Variants in CARS1 observed in about 807,000 individuals in gnomAD.
CARS1 encodes the protein cysteinyl-tRNA synthetase 1.
In CARS1, 48 loss-of-function variants were observed where a neutral mutation model predicts 106.2. The observed-to-expected ratio is 0.45, with a 90% CI of 0.36 to 0.57. The LOEUF (loss-of-function observed/expected upper bound fraction) is 0.57. Among genes scored for constraint, CARS1 ranks in the 20% least tolerant of loss-of-function variants. The pLI is 0.00. For synonymous variants in CARS1, 409 were observed against 403.4 expected (o/e 1.01, Z -0.17); for missense variants, 968 against 1,057.2 (o/e 0.92, Z 1.17).
At position 3,048,261 on chromosome 11, in the gene CARS1, A is replaced by G. The variant is rs1590555007; in HGVS notation, c.26-260T>C. 16 of 435,356 alleles carry G rather than the reference A, an allele frequency of 3.7e-5. No individual in the cohort carries two copies. In the South Asian group the frequency reaches 6.9e-4, roughly 19 times the overall value. 27.0% of individuals were successfully genotyped at this position (435,356 alleles called of 1,614,324 possible). On this transcript the variant is annotated intron_variant, in intron 1 of 22. Coordinates refer to ENST00000380525, the MANE Select transcript of CARS1 (RefSeq NM_001014437.3). This position sits in a 1 kb window ranked among gnomAD's most constrained non-coding sequence, Gnocchi z 5.1. ...GGAACTAGACAGAAATGAAGGCTGC[A>G]TGACAACATCATGCGCCAAATACCA... is the stretch of plus-strand genomic sequence containing the variant.
In CARS1 at chr11:3,019,018, C is replaced by T; in HGVS notation, c.1395+121G>A. 5 of 1,215,258 alleles carry T rather than the reference C, an allele frequency of 4.1e-6. No individual in the cohort carries two copies. The highest frequency in any genetic ancestry group is 1.6e-5 in the South Asian group (1 of 63,802). 75.3% of individuals were successfully genotyped at this position (1,215,258 alleles called of 1,614,324 possible). On this transcript the variant is annotated intron_variant, in intron 12 of 22. Transcript: ENST00000380525. This position sits in a 1 kb window ranked among gnomAD's most constrained non-coding sequence, Gnocchi z 6.2. ...CAGGGTTCAGATTCCACCCACAAGC[C>T]CCGATGAAGGTGTCAAGTTCTAGTG...
chr11:3,014,502 C>T (rs961675308), intron 17 of CARS1, among the ~76,000 whole-genome samples: 3 of 152,244 alleles, frequency 2.0e-5, no homozygotes, highest in African/African-American at 7.2e-5. Flanking sequence ...GCTGAAGGCA[C>T]CCCCACAACC....
rs1358038530 is a variant in CARS1 at position 3,018,672 on chromosome 11, T to C, written c.1473A>G (p.Ser491=). The C allele has an allele frequency of 3.7e-6, 6 of 1,614,126 alleles. No individual in the cohort carries two copies. Among genetic ancestry groups the C allele is most frequent in the Non-Finnish European group, 5.1e-6 (6 of 1,180,058 alleles). ...GHLTIAGCKM[S]KSLKNFITIK... ...TGGTGATGAAGTTTTTTAGTGACTT[T>C]GACATTTTGCAGCCTGCAATGGTCA... Residue 491 remains serine, a synonymous_variant, in exon 13 of 23, where the codon TCA becomes TCG. Transcript: ENST00000380525.
At chr11:3,026,488 C>T (rs1028301820) in intron 10 of CARS1, among the ~76,000 whole-genome samples, 188 bp downstream of exon 10, 1 of 152,276 alleles carries the variant, frequency 6.6e-6, no homozygotes, top group Non-Finnish European at 1.5e-5. Context: ...TAAAAAAACA[C>T]ATGTCATGGT....
rs570928594 is a variant in CARS1, at chr11:3,004,089, C to T, written c.2217+1277G>A. On this transcript the variant is annotated intron_variant, in intron 20 of 22. Coordinates refer to ENST00000380525, the MANE Select transcript of CARS1 (RefSeq NM_001014437.3). The surrounding 1 kb of genome is among the most constrained non-coding windows in gnomAD (Gnocchi z 5.2). ...CAGCCAGCACCAGGCCACCTCACAG[C>T]ACAGCACGGCAGGCGAGACCCAAGG... Among the ~76,000 whole-genome samples, 14 of 152,298 alleles carry T rather than the reference C, an allele frequency of 9.2e-5. No individual in the cohort carries two copies. In the South Asian group the frequency reaches 2.5e-3, roughly 27 times the overall value.
Position 3,040,842 on chromosome 11 carries a change from C to G in CARS1, c.455+54G>C. On this transcript the variant is annotated intron_variant, in intron 4 of 22. Coordinates refer to ENST00000380525, the MANE Select transcript of CARS1 (RefSeq NM_001014437.3). This position sits in a 1 kb window ranked among gnomAD's most constrained non-coding sequence, Gnocchi z 5.8. ...ATCGCTGCTGTGGATCCCAATGGCT[C>G]TGACTTCTGCGTGCAACTGCAGAAG... The G allele has an allele frequency of 6.3e-7, 1 of 1,592,868 alleles. No individual in the cohort carries two copies. Among genetic ancestry groups the G allele is most frequent in the Non-Finnish European group, 8.6e-7 (1 of 1,167,228 alleles).
At position 3,045,426 on chromosome 11, in the gene CARS1, G is replaced by A. The variant is rs560580578; in HGVS notation, c.274+2327C>T. Among the ~76,000 whole-genome samples, 9 of 152,088 alleles carry A rather than the reference G, an allele frequency of 5.9e-5. No homozygotes were observed. Among genetic ancestry groups the A allele is most frequent in the South Asian group, 2.1e-4 (1 of 4,826 alleles). ...ACTATAGGCACCCGCCATCACGCCC[G>A]GCTAATTTTTTGTATTTTTAGTAGA... On this transcript the variant is annotated intron_variant, in intron 2 of 22. Transcript: ENST00000380525. This position sits in a 1 kb window ranked among gnomAD's most constrained non-coding sequence, Gnocchi z 5.6.
Position 3,001,247 on chromosome 11 carries a change from C to T in CARS1, c.2363G>A (p.Gly788Asp). 6.2e-7 allele frequency: 1 copy of T among 1,613,382 alleles called. No homozygotes were observed. Among genetic ancestry groups the T allele is most frequent in the Non-Finnish European group, 8.5e-7 (1 of 1,180,016 alleles). Residue 788 changes from glycine (G) to aspartate (D), a missense_variant and splice_region_variant, in exon 23 of 23, where the codon GGT becomes GAT. Transcript: ENST00000380525. ...TDKYSKFDEN[G>D]LPTHDMEGKE... ...GCCCTCCATGTCATGTGTGGGCAGA[C>T]CCTGAAAACCCAGAGCACAGCGGCT...
Position 3,040,164 on chromosome 11 carries a change from C to T in CARS1, c.456-233G>A, listed in dbSNP as rs1295911841. 2 of 458,302 alleles carry T rather than the reference C, an allele frequency of 4.4e-6. No individual in the cohort carries two copies. Among genetic ancestry groups the T allele is most frequent in the East Asian group, 7.4e-5 (2 of 27,028 alleles). 28.4% of individuals were successfully genotyped at this position (458,302 alleles called of 1,614,324 possible). A position where few individuals can be genotyped will look rare whatever the true frequency, so the allele number is the denominator to read the frequency against. On this transcript the variant is annotated intron_variant, in intron 4 of 22. Coordinates refer to ENST00000380525, the MANE Select transcript of CARS1 (RefSeq NM_001014437.3). This position sits in a 1 kb window ranked among gnomAD's most constrained non-coding sequence, Gnocchi z 5.8. ...TGAATAGTAAATATATTGCCTCTCC[C>T]TTATGATTTTCTTCATAATATTTTC...
At position 3,004,216 on chromosome 11, in the gene CARS1, G is replaced by A. The variant is rs1422709088; in HGVS notation, c.2217+1150C>T. Among the ~76,000 whole-genome samples the A allele has an allele frequency of 6.6e-6, 1 of 152,192 alleles. No individual in the cohort carries two copies. Among genetic ancestry groups the A allele is most frequent in the Non-Finnish European group, 1.5e-5 (1 of 68,014 alleles). On this transcript the variant is annotated intron_variant, in intron 20 of 22. Coordinates refer to ENST00000380525, the MANE Select transcript of CARS1 (RefSeq NM_001014437.3). The surrounding 1 kb of genome is among the most constrained non-coding windows in gnomAD (Gnocchi z 5.2). Reference sequence around the variant, plus strand: ...CAGCTCTTCCCAACCTGCCAACCAGGATGGACCTGCAGACCACTCACCACT... The same window carrying A: ...CAGCTCTTCCCAACCTGCCAACCAGAATGGACCTGCAGACCACTCACCACT...
intron 7 of CARS1, among the ~76,000 whole-genome samples, chr11:3,032,000 C>CCTTCCTTCCT (rs1565074403): frequency 1.5e-5 from 1 of 65,428 alleles, no homozygotes; most frequent in Non-Finnish European, 2.7e-5. Context: ...CCTTCCTTCC[C>CCTTCCTTCCT]TCCCTCCCTC....
chr11:3,042,430 C>T, intron 2 of CARS1, 174 bp from the exon 3 acceptor site: 2 of 508,474 alleles, frequency 3.9e-6, no homozygotes, highest in East Asian at 3.4e-5. Context: ...ACAACTGCGT[C>T]TTTTTTTTTT....
Position 3,038,236 on chromosome 11 carries a change from T to C in CARS1, c.652-37A>G. ...AAGAGACGTCAAATCTATTAGATAC[T>C]GCTCAGCAAAACCTAAATTCATAAA... On this transcript the variant is annotated intron_variant, in intron 6 of 22. Coordinates refer to ENST00000380525, the MANE Select transcript of CARS1 (RefSeq NM_001014437.3). This position sits in a 1 kb window ranked among gnomAD's most constrained non-coding sequence, Gnocchi z 4.0. 1.3e-6 allele frequency: 2 copies of C among 1,588,616 alleles called. No homozygotes were observed. The highest frequency in any genetic ancestry group is 1.7e-6 in the Non-Finnish European group (2 of 1,158,954).
Position 3,017,161 on chromosome 11 carries a change from C to G in CARS1, c.1862G>C (p.Arg621Thr). 6.2e-7 allele frequency: 1 copy of G among 1,614,192 alleles called. No homozygotes were observed. The highest frequency in any genetic ancestry group is 8.5e-7 in the Non-Finnish European group (1 of 1,180,020). ...YMAARKAVRKRPNQALLENIA... is the reference protein window; with the variant it reads ...YMAARKAVRKTPNQALLENIA... ...GTTCTCCAGCAGAGCCTGGTTGGGCCTCTTCCTCACGGCTTTCCGGGCTGC... is the reference window on the plus strand; with the variant it reads ...GTTCTCCAGCAGAGCCTGGTTGGGCGTCTTCCTCACGGCTTTCCGGGCTGC... Residue 621 changes from arginine to threonine, a missense_variant, in exon 16 of 23, where the codon AGG becomes ACG. Coordinates refer to ENST00000380525, the MANE Select transcript of CARS1 (RefSeq NM_001014437.3). The surrounding 1 kb of genome is among the most constrained non-coding windows in gnomAD (Gnocchi z 4.9).
In CARS1 at chr11:3,020,076, G is replaced by A; in HGVS notation, c.1266+144C>T. The stretch of plus-strand genomic sequence containing the variant: ...CATGATGTCCAGGTCCCCGGGGCCA[G>A]GCAGCCTGTGCTGCACCAGCACCAG... On this transcript the variant is annotated intron_variant, in intron 11 of 22. Coordinates refer to ENST00000380525, the MANE Select transcript of CARS1 (RefSeq NM_001014437.3). This position sits in a 1 kb window ranked among gnomAD's most constrained non-coding sequence, Gnocchi z 4.6. The A allele has an allele frequency of 3.1e-6, 2 of 640,180 alleles. No individual in the cohort carries two copies. The highest frequency in any genetic ancestry group is 5.6e-6 in the Non-Finnish European group (2 of 356,686). The allele number at this position is 640,180 out of a possible 1,614,324, so 39.7% of individuals were successfully genotyped here.
Position 3,036,740 on chromosome 11 carries a change from T to C in CARS1, c.801+1310A>G, listed in dbSNP as rs190694459. 1.9e-3 allele frequency among the ~76,000 whole-genome samples: 290 copies of C among 152,274 alleles called. 2 individuals carry two copies. Among genetic ancestry groups the C allele is most frequent in the African/African-American group, 6.6e-3 (276 of 41,548 alleles). On this transcript the variant is annotated intron_variant, in intron 7 of 22. Coordinates refer to ENST00000380525, the MANE Select transcript of CARS1 (RefSeq NM_001014437.3). Reference sequence around the variant, plus strand: ...TTGTACACCCAGGTTTATAGCAGCATTACTTGCATCTCCAAAAGGTGGAAA... The same window carrying C: ...TTGTACACCCAGGTTTATAGCAGCACTACTTGCATCTCCAAAAGGTGGAAA...
chr11:3,053,983 C>A lies in CARS1; in HGVS notation c.25+3360G>T, dbSNP rs1053344385. 2.6e-5 allele frequency among the ~76,000 whole-genome samples: 4 copies of A among 152,178 alleles called. No individual in the cohort carries two copies. Among genetic ancestry groups the A allele is most frequent in the Non-Finnish European group, 5.9e-5 (4 of 68,030 alleles). On this transcript the variant is annotated intron_variant, in intron 1 of 22. Transcript: ENST00000380525. The surrounding 1 kb of genome is among the most constrained non-coding windows in gnomAD (Gnocchi z 6.6). ...GGTCCCACCCTCTACAGCTGCTCCT[C>A]TTGGGTCCTTCCCAGTGATCCACTC... is the stretch of plus-strand genomic sequence containing the variant.
At chr11:3,051,522 C>G (rs1184443349) in intron 1 of CARS1, among the ~76,000 whole-genome samples, 1 of 152,212 alleles carries the variant, frequency 6.6e-6, no homozygotes, top group African/African-American at 2.4e-5. Flanking sequence ...TCCTGGAAAA[C>G]TAACTCTAAA....
In CARS1 at chr11:3,040,545, T is replaced by A; in HGVS notation, c.455+351A>T. On this transcript the variant is annotated intron_variant, in intron 4 of 22. Coordinates refer to ENST00000380525, the MANE Select transcript of CARS1 (RefSeq NM_001014437.3). The surrounding 1 kb of genome is among the most constrained non-coding windows in gnomAD (Gnocchi z 5.8). The stretch of plus-strand genomic sequence containing the variant: ...CAGCGTCAGGCCTGTCAGGTCTGAG[T>A]GTCACGGGAACTCAGCATCTGGGGA... 2.0e-6 allele frequency: 1 copy of A among 496,680 alleles called. No homozygotes were observed. Among genetic ancestry groups the A allele is most frequent in the Non-Finnish European group, 3.9e-6 (1 of 254,130 alleles). The allele number at this position is 496,680 out of a possible 1,614,324, so 30.8% of individuals were successfully genotyped here. A position where few individuals can be genotyped will look rare whatever the true frequency, so the allele number is the denominator to read the frequency against.
Sources: allele counts gnomAD v4.1 joint callset (sites outside exome capture counted in the v4.1 genomes callset), GRCh38; gene constraint gnomAD v4.1.1; non-coding constraint Gnocchi (gnomAD v3.1); transcripts MANE v1.5; gene names NCBI Gene and HGNC (gene_info 2026-07-23, HGNC 2026-07-21).